STX8: variants seen among roughly 807,000 people sequenced by gnomAD.
STX8 encodes syntaxin-8.
STX8 carries 23 observed loss-of-function variants against 37.5 expected under a neutral mutation model. That is an observed-to-expected ratio of 0.61 (90% confidence interval 0.44 to 0.87). The LOEUF is 0.87. STX8 is among the 40% of genes least tolerant of loss of function. The pLI is 0.00. For synonymous variants in STX8, 115 were observed against 99.1 expected, an observed-to-expected ratio of 1.16 and a Z score of -0.95; for missense variants, 313 against 284.7, an observed-to-expected ratio of 1.10 and a Z score of -0.71.
chr17:9,540,804 C>T (rs899047775), intron 4 of STX8: 22 of 152,144 alleles, frequency 1.4e-4, no homozygotes, highest in African/African-American at 5.1e-4. Flanking sequence ...AAAGATACAC[C>T]AATCTCTATG....
At chr17:9,442,445 T>C (rs1364698496) in intron 6 of STX8, among the ~76,000 whole-genome samples, 1 of 152,224 alleles carries the variant, frequency 6.6e-6, no homozygotes, top group Non-Finnish European at 1.5e-5. Flanking sequence ...TCACCCAGGC[T>C]GGAGTGCAGT....
intron 6 of STX8, among the ~76,000 whole-genome samples, chr17:9,470,835 T>C (rs1178672114): frequency 6.6e-6 from 1 of 150,990 alleles, no homozygotes; most frequent in Non-Finnish European, 1.5e-5. Context: ...CACACCATTC[T>C]CCTGCCTCAG....
chr17:9,540,694 C>G (rs778817548), intron 4 of STX8: 15 of 152,202 alleles, frequency 9.9e-5, no homozygotes, highest in Non-Finnish European at 1.5e-4. Flanking sequence ...CAAATCACTC[C>G]ACAGGAGTCA....
rs773820700 is a variant in STX8 at position 9,568,331 on chromosome 17, TCAAA to T, written c.117+36_117+39del. Reference sequence around the variant, plus strand: ...TAGGAGGGTTTTCAGGCCTCAAAACTCAAACAAATCATTGGGTACTAATTCCTTC... The same window carrying T: ...TAGGAGGGTTTTCAGGCCTCAAAACTCAAATCATTGGGTACTAATTCCTTC... On this transcript the variant is annotated intron_variant, in intron 2 of 7. Transcript: ENST00000306357. The T allele has an allele frequency of 3.9e-4, 606 of 1,539,246 alleles. 1 individual carries two copies. The highest frequency in any genetic ancestry group is 4.5e-4 in the Non-Finnish European group (505 of 1,120,534).
intron 6 of STX8, among the ~76,000 whole-genome samples, chr17:9,480,298 G>C (rs8075876): frequency 0.025 from 3,788 of 152,238 alleles, 139 homozygotes; most frequent in African/African-American, 0.084. Context: ...ACAATTTGGA[G>C]AATGTACTGA....
At chr17:9,430,076 TAA>T (rs1913889526) in intron 6 of STX8, among the ~76,000 whole-genome samples, 2 of 60,050 alleles carry the variant, frequency 3.3e-5, no homozygotes, top group Non-Finnish European at 5.7e-5. Flanking sequence ...ATATTCTATA[TAA>T]TATATATATT....
chr17:9,433,496 C>T (rs1284288422), intron 6 of STX8, among the ~76,000 whole-genome samples: 1 of 152,166 alleles, frequency 6.6e-6, no homozygotes, highest in African/African-American at 2.4e-5. Context: ...CAGTCAAAAA[C>T]TACCTATTGG....
chr17:9,545,725 C>T (rs1459727708), intron 3 of STX8, among the ~76,000 whole-genome samples: 1 of 152,146 alleles, frequency 6.6e-6, no homozygotes, highest in East Asian at 1.9e-4. Context: ...GGCTTACAGA[C>T]GTGCACCACC....
intron 1 of STX8, 44 bp downstream of exon 1, chr17:9,575,748 C>T (rs1404679722): frequency 1.3e-6 from 2 of 1,545,732 alleles, no homozygotes; most frequent in African/African-American, 2.7e-5. Context: ...GCCCGGCCTC[C>T]CCGAAGGTCC....
At chr17:9,308,721 C>CAAAAA (rs1171647976) in intron 7 of STX8, among the ~76,000 whole-genome samples, 2 of 71,362 alleles carry the variant, frequency 2.8e-5, no homozygotes, top group Non-Finnish European at 5.8e-5. Context: ...GAAACTCCGT[C>CAAAAA]AAAAAAAAAA....
At chr17:9,396,947 T>C (rs1912425946) in intron 6 of STX8, among the ~76,000 whole-genome samples, 1 of 152,186 alleles carries the variant, frequency 6.6e-6, no homozygotes, top group Admixed American at 6.5e-5. Flanking sequence ...GAAGAGAAGG[T>C]GCTGACCTAA....
At chr17:9,269,223 G>A (rs1907360671) in intron 7 of STX8, among the ~76,000 whole-genome samples, 1 of 151,944 alleles carries the variant, frequency 6.6e-6, no homozygotes, top group Non-Finnish European at 1.5e-5. Flanking sequence ...GAGGCCCAAG[G>A]AGTCACTGTG....
rs1214393947 is a variant in STX8 at position 9,522,711 on chromosome 17, C to CA, written c.324-17550dup. 1.7e-3 allele frequency among the ~76,000 whole-genome samples: 243 copies of CA among 142,754 alleles called. 1 individual carries two copies. Among genetic ancestry groups the CA allele is most frequent in the African/African-American group, 3.6e-3 (142 of 39,090 alleles). The allele number at this position is 142,754 out of a possible 152,430, so 93.7% of individuals were successfully genotyped here. On this transcript the variant is annotated intron_variant, in intron 4 of 7. Coordinates refer to ENST00000306357, the MANE Select transcript of STX8 (RefSeq NM_004853.3). ...TGGGCGAAAGAGCGAGACTCCATCT[C>CA]AAAAAAAAAAAGTTGATATCATACA...
chr17:9,555,113 A>C (rs535126226), intron 3 of STX8: 1 of 152,312 alleles, frequency 6.6e-6, no homozygotes, highest in South Asian at 2.1e-4. Context: ...TAAATTCTAA[A>C]TTATCCACAT....
chr17:9,265,703 G>T (rs1907209616), intron 7 of STX8, among the ~76,000 whole-genome samples: 1 of 152,152 alleles, frequency 6.6e-6, no homozygotes, highest in African/African-American at 2.4e-5. Flanking sequence ...AACACATGTT[G>T]CCTGAGCACC....
At chr17:9,549,507 C>T (rs1367041497) in intron 3 of STX8, among the ~76,000 whole-genome samples, 1 of 152,214 alleles carries the variant, frequency 6.6e-6, no homozygotes, top group Non-Finnish European at 1.5e-5. Flanking sequence ...TCAACCCTAG[C>T]TCATGGCTTT....
intron 7 of STX8, among the ~76,000 whole-genome samples, chr17:9,299,765 G>C (rs560584068): frequency 3.2e-4 from 48 of 152,214 alleles, no homozygotes; most frequent in Non-Finnish European, 5.6e-4. Context: ...TTTAATACTG[G>C]TCATACCACT....
Position 9,268,298 on chromosome 17 carries a change from AAGAG to A in STX8, c.644-17657_644-17654del, listed in dbSNP as rs1181249508. ...TGGAGTAAGAACAAAAAAAAAAAAA[AAGAG>A]AGAGAGAGAGACTTCAAAGTTGCTC... is the stretch of plus-strand genomic sequence containing the variant. On this transcript the variant is annotated intron_variant, in intron 7 of 7. Coordinates refer to ENST00000306357, the MANE Select transcript of STX8 (RefSeq NM_004853.3). Among the ~76,000 whole-genome samples the A allele has an allele frequency of 9.1e-4, 138 of 151,520 alleles. 1 individual carries two copies. The highest frequency in any genetic ancestry group is 6.5e-3 in the South Asian group (31 of 4,754).
At chr17:9,336,985 G>A (rs932329369) in intron 7 of STX8, among the ~76,000 whole-genome samples, 1 of 152,096 alleles carries the variant, frequency 6.6e-6, no homozygotes, top group African/African-American at 2.4e-5. Context: ...TAAGTTTAAA[G>A]TAAAATGGAA....
Sources: allele counts gnomAD v4.1 joint callset (sites outside exome capture counted in the v4.1 genomes callset), GRCh38; gene constraint gnomAD v4.1.1; transcripts MANE v1.5; gene names NCBI Gene and HGNC (gene_info 2026-07-23, HGNC 2026-07-21).